Variants in DPYSL5 observed in about 807,000 individuals in gnomAD.
DPYSL5 encodes the protein dihydropyrimidinase like 5, also known as dihydropyrimidinase-related protein 5.
In DPYSL5, 9 loss-of-function variants were observed where a neutral mutation model predicts 58.4. The ratio of observed to expected loss-of-function variants is 0.15; its 90% CI spans 0.09 to 0.27. DPYSL5 has a LOEUF of 0.27. Among genes scored for constraint, DPYSL5 ranks in the 10% least tolerant of loss-of-function variants. The probability of loss-of-function intolerance (pLI) is 1.00; values close to 1 mark genes in which losing one functional copy is unlikely to be tolerated. For synonymous variants in DPYSL5, 293 were observed against 301.9 expected (o/e 0.97, Z 0.31); for missense variants, 499 against 770.6 (o/e 0.65, Z 4.17).
chr2:26,893,834 AGAAC>A (rs1481455359), intron 1 of DPYSL5, among the ~76,000 whole-genome samples: 1 of 152,138 alleles, frequency 6.6e-6, no homozygotes, highest in African/African-American at 2.4e-5. Context: ...TGGGCCCTGA[AGAAC>A]GAGAAATTTA....
chr2:26,917,123 A>G, intron 2 of DPYSL5, among the ~76,000 whole-genome samples: 1 of 152,208 alleles, frequency 6.6e-6, no homozygotes, highest in East Asian at 1.9e-4. Context: ...AGATTAAGTA[A>G]CTTGCTGAAG....
At chr2:26,856,596 C>CA (rs1453235205) in intron 1 of DPYSL5, among the ~76,000 whole-genome samples, 2 of 151,924 alleles carry the variant, frequency 1.3e-5, no homozygotes, top group African/African-American at 4.8e-5. Flanking sequence ...CTGCTGTGAA[C>CA]ATTCTAGTAG....
chr2:26,932,135 AAGAG>A (rs796083813), intron 6 of DPYSL5, among the ~76,000 whole-genome samples: 1 of 111,670 alleles, frequency 9.0e-6, no homozygotes, highest in Non-Finnish European at 1.8e-5. Context: ...GAAAGAAAGA[AAGAG>A]AAAGAAAGAA....
chr2:26,894,006 T>C (rs886354647), intron 1 of DPYSL5, among the ~76,000 whole-genome samples: 1 of 150,296 alleles, frequency 6.7e-6, no homozygotes, highest in Non-Finnish European at 1.5e-5. Flanking sequence ...ATCCTTATTA[T>C]TATTATAAAT....
chr2:26,899,807 C>T (rs1323258546), intron 2 of DPYSL5, among the ~76,000 whole-genome samples: 3 of 152,210 alleles, frequency 2.0e-5, no homozygotes, highest in Non-Finnish European at 4.4e-5. Context: ...GGCATCAGGG[C>T]TACACCTGCT....
At chr2:26,890,413 T>C (rs1284068909) in intron 1 of DPYSL5, among the ~76,000 whole-genome samples, 1 of 152,186 alleles carries the variant, frequency 6.6e-6, no homozygotes, top group Non-Finnish European at 1.5e-5. Flanking sequence ...GTAGGGAGCA[T>C]GTTAGGCAAC....
At chr2:26,886,478 C>G (rs891634830) in intron 1 of DPYSL5, among the ~76,000 whole-genome samples, 2 of 152,116 alleles carry the variant, frequency 1.3e-5, no homozygotes, top group African/African-American at 4.8e-5. Context: ...TGAAAAGGAA[C>G]AAAATATCGC....
At chr2:26,859,352 G>A (rs185024743) in intron 1 of DPYSL5, among the ~76,000 whole-genome samples, 8 of 143,300 alleles carry the variant, frequency 5.6e-5, no homozygotes, top group Non-Finnish European at 1.1e-4. Context: ...TAGAGATTGT[G>A]TTTTTTTTTT....
chr2:26,920,385 C>T (rs2384509), intron 2 of DPYSL5, among the ~76,000 whole-genome samples: 149,268 of 152,362 alleles, frequency 0.98, 73,203 homozygotes, highest in East Asian at 1. Flanking sequence ...CAAATTTATT[C>T]TGAAGTGTAC....
chr2:26,886,299 G>A (rs1342476630), intron 1 of DPYSL5, among the ~76,000 whole-genome samples: 1 of 152,116 alleles, frequency 6.6e-6, no homozygotes. Context: ...TGAGAAGTAG[G>A]ACATGGTCAG....
intron 1 of DPYSL5, among the ~76,000 whole-genome samples, chr2:26,888,211 T>TTC (rs1421376227): frequency 1.3e-5 from 1 of 74,976 alleles, no homozygotes; most frequent in African/African-American, 5.0e-5. Context: ...TCCCTTTCTT[T>TTC]TCTTTCTTTC....
chr2:26,928,145 C>T, intron 4 of DPYSL5, 110 bp from the exon 5 acceptor site: 1 of 1,138,746 alleles, frequency 8.8e-7, no homozygotes, highest in Middle Eastern at 2.2e-4. Flanking sequence ...AAGAAGCAAG[C>T]CTATTGAAAC....
chr2:26,930,341 G>C (rs905913761), intron 5 of DPYSL5, among the ~76,000 whole-genome samples: 2 of 152,210 alleles, frequency 1.3e-5, no homozygotes, highest in African/African-American at 4.8e-5. Flanking sequence ...TTATCTATTG[G>C]TTAAAGGTGG....
rs1428379457 is a variant in DPYSL5, at chr2:26,898,805, TA to T, written c.261+46del. ...AAGGTGGCTTCCTCTTTGGCTTTTT[TA>T]TTCTGCTTCTAGGGCTGCTCCAGAC... is the stretch of plus-strand genomic sequence containing the variant. On this transcript the variant is annotated intron_variant, in intron 2 of 12. Transcript: ENST00000288699. The surrounding 1 kb of genome is among the most constrained non-coding windows in gnomAD (Gnocchi z 6.1). The T allele has an allele frequency of 6.4e-7, 1 of 1,566,064 alleles. No homozygotes were observed. Among genetic ancestry groups the T allele is most frequent in the African/African-American group, 1.4e-5 (1 of 73,878 alleles).
At chr2:26,931,872 G>A (rs1357939034) in intron 6 of DPYSL5, among the ~76,000 whole-genome samples, 188 bp downstream of exon 6, 4 of 151,440 alleles carry the variant, frequency 2.6e-5, no homozygotes, top group Admixed American at 6.6e-5. Flanking sequence ...GCTGGGCGTG[G>A]TGGCGTGCAC....
At chr2:26,889,377 C>T (rs1663811887) in intron 1 of DPYSL5, among the ~76,000 whole-genome samples, 1 of 152,020 alleles carries the variant, frequency 6.6e-6, no homozygotes. Context: ...TCACGCCATT[C>T]TCCTGCCTCA....
intron 1 of DPYSL5, among the ~76,000 whole-genome samples, chr2:26,892,257 G>A (rs1416725162): frequency 6.6e-6 from 1 of 152,190 alleles, no homozygotes; most frequent in East Asian, 1.9e-4. Flanking sequence ...GGAGGTTGCT[G>A]TGTGAATGCA....
Position 26,925,102 on chromosome 2 carries a change from G to T in DPYSL5, c.420+57G>T. On this transcript the variant is annotated intron_variant, in intron 3 of 12. Transcript: ENST00000288699. This position sits in a 1 kb window ranked among gnomAD's most constrained non-coding sequence, Gnocchi z 4.5. ...CACAAGTGGTCTTGTAGGCAGAGGG[G>T]CTGGTTGGGGTGCAGTGCCTCCTGC... 1 of 1,584,796 alleles carries T rather than the reference G, an allele frequency of 6.3e-7. No individual in the cohort carries two copies. Among genetic ancestry groups the T allele is most frequent in the Non-Finnish European group, 8.6e-7 (1 of 1,163,088 alleles).
intron 5 of DPYSL5, among the ~76,000 whole-genome samples, 162 bp downstream of exon 5, chr2:26,928,485 A>G (rs1430094775): frequency 2.6e-5 from 4 of 151,410 alleles, no homozygotes; most frequent in Non-Finnish European, 5.9e-5. Context: ...GCTTGAACCC[A>G]GGAATTTAAG....
Sources: allele counts gnomAD v4.1 joint callset (sites outside exome capture counted in the v4.1 genomes callset), GRCh38; gene constraint gnomAD v4.1.1; non-coding constraint Gnocchi (gnomAD v3.1); transcripts MANE v1.5; gene names NCBI Gene and HGNC (gene_info 2026-07-23, HGNC 2026-07-21).